Variants in UGT1A10 observed in about 807,000 individuals in gnomAD.
UGT1A10 encodes the protein UDP glucuronosyltransferase family 1 member A10.
A neutral mutation model predicts 45.8 loss-of-function variants in UGT1A10; 49 were observed. The ratio of observed to expected loss-of-function variants is 1.07; its 90% CI spans 0.85 to 1.36. The LOEUF is 1.36. UGT1A10 is among the 40% of genes most tolerant of loss of function. UGT1A10 has a pLI of 0.00. For missense variants in UGT1A10, 745 were observed against 668.6 expected, an observed-to-expected ratio of 1.11 and a Z score of -1.26; for synonymous variants, 284 against 249.7, an observed-to-expected ratio of 1.14 and a Z score of -1.29.
intron 1 of UGT1A10, 72 bp downstream of exon 1, chr2:233,637,449 C>T (rs2073327708): frequency 2.0e-6 from 3 of 1,518,094 alleles, no homozygotes; most frequent in Middle Eastern, 1.8e-4. Context: ...CCTTACTGAA[C>T]TGTGATTTGA....
chr2:233,687,498 TGAGGCACA>T (rs2074842350), intron 1 of UGT1A10, among the ~76,000 whole-genome samples: 2 of 147,610 alleles, frequency 1.4e-5, no homozygotes, highest in African/African-American at 5.0e-5. Context: ...ATGATGAAAC[TGAGGCACA>T]GAGGGGTTGA....
chr2:233,683,795 T>G (rs2074650778), intron 1 of UGT1A10, among the ~76,000 whole-genome samples: 1 of 152,188 alleles, frequency 6.6e-6, no homozygotes, highest in Non-Finnish European at 1.5e-5. Context: ...ACATTTATCT[T>G]GTATGTAGTC....
At chr2:233,719,573 T>C (rs2076782711) in intron 1 of UGT1A10, 3 of 1,613,994 alleles carry the variant, frequency 1.9e-6, no homozygotes, top group Non-Finnish European at 2.5e-6. Context: ...TTGTCAGCTA[T>C]GCATCCGTGT....
At chr2:233,653,725 T>G (rs544042304) in intron 1 of UGT1A10, among the ~76,000 whole-genome samples, 16 of 152,278 alleles carry the variant, frequency 1.1e-4, no homozygotes, top group African/African-American at 3.9e-4. Flanking sequence ...GCCTCCTGGG[T>G]AGCTGGAATT....
intron 1 of UGT1A10, among the ~76,000 whole-genome samples, chr2:233,674,616 T>C (rs931072279): frequency 6.6e-6 from 1 of 150,972 alleles, no homozygotes; most frequent in Admixed American, 6.7e-5. Flanking sequence ...CATCAAACTA[T>C]ATATGGTTTC....
chr2:233,643,039 G>C (rs188929391), intron 1 of UGT1A10, among the ~76,000 whole-genome samples: 1 of 152,294 alleles, frequency 6.6e-6, no homozygotes, highest in East Asian at 1.9e-4. Context: ...AAGGCCTGCT[G>C]TAACCACCTC....
chr2:233,713,105 C>A (rs1300950755), intron 1 of UGT1A10: 1 of 1,614,212 alleles, frequency 6.2e-7, no homozygotes, highest in Admixed American at 1.7e-5. Flanking sequence ...CCACTGATGG[C>A]AGCCACTGGC....
intron 1 of UGT1A10, chr2:233,754,734 T>C (rs1381377212): frequency 1.5e-6 from 1 of 652,198 alleles, no homozygotes; most frequent in Middle Eastern, 2.9e-4. Flanking sequence ...ATCACTACCG[T>C]AGGACATGCA....
chr2:233,743,852 G>A (rs770873874), intron 1 of UGT1A10: 10 of 1,367,226 alleles, frequency 7.3e-6, no homozygotes, highest in East Asian at 9.1e-5. Flanking sequence ...CTTGCGGTAC[G>A]CCTTCTTGAT....
intron 1 of UGT1A10, among the ~76,000 whole-genome samples, chr2:233,750,971 T>TG (rs1694602658): frequency 6.6e-6 from 1 of 151,624 alleles, no homozygotes; most frequent in South Asian, 2.1e-4. Flanking sequence ...CACTGCCTAG[T>TG]GGAGTTGTGA....
At chr2:233,659,682 A>G (rs1485353377) in intron 1 of UGT1A10, among the ~76,000 whole-genome samples, 1 of 152,174 alleles carries the variant, frequency 6.6e-6, no homozygotes, top group Non-Finnish European at 1.5e-5. Flanking sequence ...ATGGAAATAC[A>G]TCATAATTAC....
rs1342318233 is a variant in UGT1A10, at chr2:233,708,605, G to C, written c.856-58429G>C. ...CTTCACTACAGAAAGTAAAAACCTA[G>C]CTGGACATGGTAGCGTGTGCCTGTA... On this transcript the variant is annotated intron_variant, in intron 1 of 4. Coordinates refer to ENST00000344644, the MANE Select transcript of UGT1A10 (RefSeq NM_019075.4). 3 of 152,208 alleles carry C rather than the reference G, an allele frequency of 2.0e-5. No individual in the cohort carries two copies. In the East Asian group the frequency reaches 5.8e-4, roughly 30 times the overall value. 9.4% of individuals were successfully genotyped at this position (152,208 alleles called of 1,614,324 possible).
At chr2:233,766,480 T>C (rs1299744322) in intron 1 of UGT1A10, among the ~76,000 whole-genome samples, 1 of 152,128 alleles carries the variant, frequency 6.6e-6, no homozygotes, top group African/African-American at 2.4e-5. Flanking sequence ...AGGCACATGA[T>C]GGGGGCGTGG....
At chr2:233,684,518 AT>A (rs1229903576) in intron 1 of UGT1A10, among the ~76,000 whole-genome samples, 3 of 152,210 alleles carry the variant, frequency 2.0e-5, no homozygotes, top group Non-Finnish European at 2.9e-5. Context: ...TGTAGAAATT[AT>A]ATATGATTCT....
chr2:233,679,101 A>G (rs1322384670), intron 1 of UGT1A10, among the ~76,000 whole-genome samples: 1 of 152,180 alleles, frequency 6.6e-6, no homozygotes, highest in Non-Finnish European at 1.5e-5. Context: ...ACTGTGTGTA[A>G]TGAGTTCTAA....
In UGT1A10 at chr2:233,751,447, G is replaced by T. The variant is rs116747594; in HGVS notation, c.856-15587G>T. Reference sequence around the variant, plus strand: ...GCTGAAATGAGTTAAGACTTTGGAAGATTGTTGGGAAGGCACGATTGGTTT... The same window carrying T: ...GCTGAAATGAGTTAAGACTTTGGAATATTGTTGGGAAGGCACGATTGGTTT... On this transcript the variant is annotated intron_variant, in intron 1 of 4. Transcript: ENST00000344644. Among the ~76,000 whole-genome samples the T allele has an allele frequency of 9.7e-3, 1,485 of 152,320 alleles. 22 individuals carry two copies. Among genetic ancestry groups the T allele is most frequent in the African/African-American group, 0.034 (1,416 of 41,558 alleles).
chr2:233,767,666 C>T (rs143192680), intron 2 of UGT1A10, among the ~76,000 whole-genome samples, 183 bp from the exon 3 acceptor site: 1 of 152,190 alleles, frequency 6.6e-6, no homozygotes, highest in East Asian at 1.9e-4. Flanking sequence ...ACCCTTGTAA[C>T]TAAACCTCCA....
At chr2:233,705,072 G>T (rs2075820474) in intron 1 of UGT1A10, among the ~76,000 whole-genome samples, 1 of 152,036 alleles carries the variant, frequency 6.6e-6, no homozygotes, top group South Asian at 2.1e-4. Flanking sequence ...GGAGGCGGAG[G>T]TTGCAGAGAG....
At chr2:233,696,875 A>C (rs994045666) in intron 1 of UGT1A10, among the ~76,000 whole-genome samples, 1 of 152,206 alleles carries the variant, frequency 6.6e-6, no homozygotes, top group Non-Finnish European at 1.5e-5. Context: ...AGCATCTACA[A>C]CATATGAGTT....
Sources: gnomAD v4.1 joint callset for allele counts (sites outside exome capture counted in the v4.1 genomes callset) on GRCh38, gnomAD v4.1.1 for gene constraint, MANE v1.5 for transcripts, NCBI Gene and HGNC (gene_info 2026-07-23, HGNC 2026-07-21) for gene names.